Variants in NHSL1 observed in about 807,000 individuals in gnomAD.
NHSL1 encodes the protein NHS-like protein 1.
A neutral mutation model predicts 95.0 loss-of-function variants in NHSL1; 48 were observed. That is an observed-to-expected ratio of 0.51 (90% CI 0.40 to 0.64). NHSL1 has a LOEUF of 0.64. Ranked by LOEUF, NHSL1 falls within the 30% of genes least tolerant of loss-of-function variation. NHSL1 has a pLI of 0.00. For missense variants in NHSL1, 1,971 were observed against 2,077.7 expected (o/e 0.95, Z 1.00); for synonymous variants, 783 against 833.9 (o/e 0.94, Z 1.05).
intron 1 of NHSL1, among the ~76,000 whole-genome samples, chr6:138,627,909 T>A (rs1442743927): frequency 6.6e-6 from 1 of 152,008 alleles, no homozygotes; most frequent in Non-Finnish European, 1.5e-5. Context: ...ATTTAAAAAA[T>A]TTATTTATAT....
intron 5 of NHSL1, among the ~76,000 whole-genome samples, chr6:138,437,331 T>TATATATATATACACATATATATATACAC: frequency 1.7e-5 from 1 of 58,022 alleles, no homozygotes; most frequent in African/African-American, 7.7e-5. Context: ...CACACACACA[T>TATATATATATACACATATATATATACAC]ATATATATAT....
chr6:138,453,874 C>G (rs924549444), intron 3 of NHSL1, among the ~76,000 whole-genome samples: 3 of 151,912 alleles, frequency 2.0e-5, no homozygotes, highest in Non-Finnish European at 2.9e-5. Flanking sequence ...TCTTATCACA[C>G]AGTGAATTAA....
rs566502919 is a variant in NHSL1 at position 138,589,755 on chromosome 6, C to A, written c.97-93384G>T. Among the ~76,000 whole-genome samples the A allele has an allele frequency of 3.9e-5, 6 of 152,126 alleles. No homozygotes were observed. The South Asian group carries it at 1.3e-3, about 32-fold the overall frequency. On this transcript the variant is annotated intron_variant, in intron 1 of 3. Transcript: ENST00000491526. ...ACGCTCCTTTCCCTCTGCTGACAAC[C>A]TCTGATCCTCTACATCAGACAGCAA...
intron 1 of NHSL1, among the ~76,000 whole-genome samples, chr6:138,660,206 A>G (rs1194443198): frequency 6.6e-6 from 1 of 152,202 alleles, no homozygotes; most frequent in East Asian, 1.9e-4. Context: ...TTTTCTCAGT[A>G]GCATACCCAG....
At chr6:138,469,883 T>C (rs1426296111) in intron 3 of NHSL1, among the ~76,000 whole-genome samples, 1 of 152,192 alleles carries the variant, frequency 6.6e-6, no homozygotes, top group Non-Finnish European at 1.5e-5. Context: ...AGTGGCTTTT[T>C]TGATGCTCCA....
chr6:138,460,077 ACCG>A lies in NHSL1; in HGVS notation c.340-12887_340-12885del, dbSNP rs1484963770. Among the ~76,000 whole-genome samples the A allele has an allele frequency of 2.0e-5, 3 of 152,188 alleles. No homozygotes were observed. In the East Asian group the frequency reaches 5.8e-4, roughly 29 times the overall value. Reference sequence around the variant, plus strand: ...GTGTTAAACTAATTCATTAAAAAGAACCGCACTTTTTCCCTTTGCTCTGAAAAA... The same window carrying A: ...GTGTTAAACTAATTCATTAAAAAGAACACTTTTTCCCTTTGCTCTGAAAAA... On this transcript the variant is annotated intron_variant, in intron 3 of 7. Coordinates refer to ENST00000343505, the MANE Select transcript of NHSL1 (RefSeq NM_001144060.2).
intron 5 of NHSL1, chr6:138,435,242 T>C (rs1281879259): frequency 6.5e-6 from 1 of 154,816 alleles, no homozygotes; most frequent in Admixed American, 6.5e-5. Flanking sequence ...ACACTCAAAA[T>C]ATCTCATTCC....
chr6:138,673,464 A>C (rs555576488), intron 1 of NHSL1, among the ~76,000 whole-genome samples: 1 of 152,092 alleles, frequency 6.6e-6, no homozygotes, highest in South Asian at 2.1e-4. Flanking sequence ...AGCTACAAAA[A>C]AAAAAACAAA....
chr6:138,437,231 GC>G (rs1443665795), intron 5 of NHSL1, among the ~76,000 whole-genome samples: 3 of 147,394 alleles, frequency 2.0e-5, no homozygotes, highest in Non-Finnish European at 3.0e-5. Context: ...CTGAGATCGC[GC>G]CATTGCACTC....
intron 1 of NHSL1, among the ~76,000 whole-genome samples, chr6:138,599,238 G>T (rs1027468773): frequency 6.6e-6 from 1 of 152,156 alleles, no homozygotes; most frequent in Non-Finnish European, 1.5e-5. Context: ...AAGGCCAGGC[G>T]CAGTGGCTCA....
At chr6:138,531,707 T>G (rs1214023926) in intron 1 of NHSL1, among the ~76,000 whole-genome samples, 2 of 152,012 alleles carry the variant, frequency 1.3e-5, no homozygotes, top group African/African-American at 4.8e-5. Flanking sequence ...AGGGGCAGGG[T>G]TTTGCCATGT....
upstream of NHSL1, among the ~76,000 whole-genome samples, chr6:138,576,703 A>AC (rs1316041552): frequency 2.6e-5 from 4 of 152,096 alleles, no homozygotes; most frequent in Non-Finnish European, 4.4e-5. Flanking sequence ...TTTGGCCAGC[A>AC]CCCCCCTCCT....
chr6:138,615,759 C>T (rs1358476670), intron 1 of NHSL1, among the ~76,000 whole-genome samples: 1 of 152,284 alleles, frequency 6.6e-6, no homozygotes, highest in East Asian at 1.9e-4. Flanking sequence ...GCGTGAGCCA[C>T]AGCACCTGTC....
chr6:138,499,664 CCT>C (rs1214921131), upstream of NHSL1, among the ~76,000 whole-genome samples: 2 of 152,202 alleles, frequency 1.3e-5, no homozygotes, highest in Non-Finnish European at 2.9e-5. Flanking sequence ...AGAAGTTCCT[CCT>C]CTCTGAGCCC....
intron 1 of NHSL1, among the ~76,000 whole-genome samples, chr6:138,531,788 C>T (rs1782145559): frequency 6.6e-6 from 1 of 152,172 alleles, no homozygotes; most frequent in African/African-American, 2.4e-5. Context: ...GCTGGGATTA[C>T]AAGTGTGAGC....
chr6:138,465,394 T>TAACC (rs1778295167), intron 3 of NHSL1, among the ~76,000 whole-genome samples: 2 of 151,936 alleles, frequency 1.3e-5, no homozygotes, highest in Non-Finnish European at 2.9e-5. Context: ...CCTAACTAAC[T>TAACC]CCCTTCCTCA....
chr6:138,463,813 T>C (rs6924987), intron 3 of NHSL1, among the ~76,000 whole-genome samples: 3,626 of 152,272 alleles, frequency 0.024, 160 homozygotes, highest in African/African-American at 0.082. Context: ...TCTGCTCTAA[T>C]GATGACTCTC....
At chr6:138,509,208 T>C (rs1023454181) in intron 1 of NHSL1, among the ~76,000 whole-genome samples, 1 of 152,228 alleles carries the variant, frequency 6.6e-6, no homozygotes, top group African/African-American at 2.4e-5. Flanking sequence ...ATCATACATT[T>C]ACAATAACAA....
chr6:138,475,522 C>G (rs1300291779), intron 2 of NHSL1, among the ~76,000 whole-genome samples: 1 of 152,102 alleles, frequency 6.6e-6, no homozygotes, highest in Non-Finnish European at 1.5e-5. Context: ...GCCACTGAAC[C>G]CGGTCTGATT....
Sources: allele counts gnomAD v4.1 joint callset (sites outside exome capture counted in the v4.1 genomes callset), GRCh38; gene constraint gnomAD v4.1.1; transcripts MANE v1.5; gene names NCBI Gene and HGNC (gene_info 2026-07-23, HGNC 2026-07-21).